ROBO2: variants seen among roughly 807,000 people sequenced by gnomAD.
ROBO2 encodes the protein roundabout guidance receptor 2.
A neutral mutation model predicts 160.8 loss-of-function variants in ROBO2; 53 were observed. The ratio of observed to expected loss-of-function variants is 0.33; its 90% CI spans 0.26 to 0.41. The LOEUF (loss-of-function observed/expected upper bound fraction) is 0.41, where lower values mean the gene tolerates loss of function less well. ROBO2 is among the 10% of genes least tolerant of loss of function. ROBO2 has a pLI of 1.00. For missense variants in ROBO2, 1,577 were observed against 1,722.4 expected (o/e 0.92, Z 1.49); for synonymous variants, 664 against 611.7 (o/e 1.09, Z -1.26).
intron 2 of ROBO2, among the ~76,000 whole-genome samples, chr3:76,694,679 A>C (rs2092890557): frequency 6.6e-6 from 1 of 152,204 alleles, no homozygotes; most frequent in African/African-American, 2.4e-5. Context: ...TTATCAACTC[A>C]GTAAACATAA....
chr3:77,416,739 A>G (rs575326482), intron 2 of ROBO2, among the ~76,000 whole-genome samples: 2 of 147,932 alleles, frequency 1.4e-5, no homozygotes, highest in African/African-American at 2.5e-5. Context: ...AAAAAAAAAG[A>G]AAGGAAATTT....
intron 2 of ROBO2, among the ~76,000 whole-genome samples, chr3:76,693,078 G>A (rs2092841971): frequency 1.4e-5 from 2 of 148,044 alleles, no homozygotes; most frequent in African/African-American, 5.0e-5. Flanking sequence ...TATATATAGT[G>A]TATATATTTA....
rs575253974 is a variant in ROBO2 at position 76,554,797 on chromosome 3, C to T, written c.110-543217C>T. ...TTATGCACATCTTTTTATAAAAAGG[C>T]ACATTTCTCAGAGGCTGCTCCGAAT... On this transcript the variant is annotated intron_variant, in intron 2 of 26. Transcript: ENST00000487694. Among the ~76,000 whole-genome samples, 4 of 152,046 alleles carry T rather than the reference C, an allele frequency of 2.6e-5. No homozygotes were observed. The East Asian group carries it at 7.7e-4, about 29-fold the overall frequency.
chr3:77,561,768 T>A (rs2093329113), intron 9 of ROBO2, among the ~76,000 whole-genome samples: 1 of 152,110 alleles, frequency 6.6e-6, no homozygotes, highest in Non-Finnish European at 1.5e-5. Flanking sequence ...TACATATAAG[T>A]GAATATTGAA....
chr3:76,004,901 A>G (rs1219858618), intron 2 of ROBO2, among the ~76,000 whole-genome samples: 2 of 152,228 alleles, frequency 1.3e-5, no homozygotes, highest in Admixed American at 6.5e-5. Context: ...GTGTCCCTCC[A>G]AAAGGCATGT....
Position 76,622,181 on chromosome 3 carries a change from TAAAA to T in ROBO2, c.110-475828_110-475825del, listed in dbSNP as rs1203933579. 4.0e-3 allele frequency among the ~76,000 whole-genome samples: 325 copies of T among 81,826 alleles called. 58 individuals carry two copies. Among genetic ancestry groups the T allele is most frequent in the South Asian group, 6.3e-3 (13 of 2,058 alleles). The allele number at this position is 81,826 out of a possible 152,430, so 53.7% of individuals were successfully genotyped here. Reference sequence around the variant, plus strand: ...CAACATAGCAAGACCTCATATCTACTAAAAAAAAGAAAGGAAGGAAGGAAGGAAG... The same window carrying T: ...CAACATAGCAAGACCTCATATCTACTAAAAGAAAGGAAGGAAGGAAGGAAG... On this transcript the variant is annotated intron_variant, in intron 2 of 26. Transcript: ENST00000487694.
chr3:76,159,470 T>A (rs2072535947), intron 2 of ROBO2, among the ~76,000 whole-genome samples: 9 of 152,158 alleles, frequency 5.9e-5, no homozygotes, highest in Admixed American at 5.9e-4. Flanking sequence ...TTTTAAATTT[T>A]TTTTGGACTG....
At chr3:77,328,782 C>T (rs1452914175) in intron 2 of ROBO2, among the ~76,000 whole-genome samples, 1 of 152,158 alleles carries the variant, frequency 6.6e-6, no homozygotes, top group African/African-American at 2.4e-5. Flanking sequence ...AAGTGTTATT[C>T]CCACATGCTG....
chr3:76,214,696 C>G (rs1703383398), intron 2 of ROBO2, among the ~76,000 whole-genome samples: 1 of 152,214 alleles, frequency 6.6e-6, no homozygotes, highest in Non-Finnish European at 1.5e-5. Context: ...CACCACAGCT[C>G]AAGGAGGCCT....
intron 2 of ROBO2, among the ~76,000 whole-genome samples, chr3:76,799,504 A>C (rs569904781): frequency 6.9e-5 from 9 of 130,946 alleles, no homozygotes; most frequent in Non-Finnish European, 1.6e-4. Flanking sequence ...ATTAGATCTG[A>C]CAAAAAAAAA....
chr3:76,079,743 C>A lies in ROBO2; in HGVS notation c.109+142141C>A, dbSNP rs1576771875. Reference sequence around the variant, plus strand: ...TCAGGCAATCCGTCTGCCTTGGCCTCCCAAAGTGCTAGGTAAAATTTAGGT... The same window carrying A: ...TCAGGCAATCCGTCTGCCTTGGCCTACCAAAGTGCTAGGTAAAATTTAGGT... On this transcript the variant is annotated intron_variant, in intron 2 of 26. Transcript: ENST00000487694. Among the ~76,000 whole-genome samples, 5 of 151,986 alleles carry A rather than the reference C, an allele frequency of 3.3e-5. No homozygotes were observed. The East Asian group carries it at 9.7e-4, about 29-fold the overall frequency.
At chr3:76,770,405 ATAAT>A (rs2061821232) in intron 2 of ROBO2, among the ~76,000 whole-genome samples, 1 of 151,318 alleles carries the variant, frequency 6.6e-6, no homozygotes, top group African/African-American at 2.4e-5. Context: ...CTAGATGATC[ATAAT>A]TAATCAATTA....
intron 2 of ROBO2, among the ~76,000 whole-genome samples, chr3:76,279,261 A>AT (rs1055967541): frequency 2.4e-4 from 36 of 150,602 alleles, no homozygotes; most frequent in African/African-American, 7.2e-4. Flanking sequence ...TTTAGGTAAG[A>AT]TTTTTTTTAA....
At chr3:76,882,344 A>G (rs1191098340) in intron 2 of ROBO2, among the ~76,000 whole-genome samples, 2 of 152,026 alleles carry the variant, frequency 1.3e-5, no homozygotes, top group African/African-American at 4.8e-5. Context: ...CAAAATCAGA[A>G]TTATTTCATG....
chr3:76,893,128 T>C (rs1423820959), intron 2 of ROBO2, among the ~76,000 whole-genome samples: 1 of 152,160 alleles, frequency 6.6e-6, no homozygotes, highest in Non-Finnish European at 1.5e-5. Context: ...GGCTGCCTCT[T>C]CAAAATATAC....
At chr3:76,448,094 A>G (rs1228886547) in intron 2 of ROBO2, among the ~76,000 whole-genome samples, 8 of 151,972 alleles carry the variant, frequency 5.3e-5, no homozygotes, top group Non-Finnish European at 1.2e-4. Context: ...TAAAACAAAA[A>G]AAGAAAAAAC....
At chr3:76,361,116 C>T (rs925268854) in intron 2 of ROBO2, among the ~76,000 whole-genome samples, 1 of 151,964 alleles carries the variant, frequency 6.6e-6, no homozygotes. Flanking sequence ...ATAAGCGCTG[C>T]AAGTTAGAAT....
chr3:76,475,641 C>T (rs1220324649), intron 2 of ROBO2, among the ~76,000 whole-genome samples: 4 of 151,912 alleles, frequency 2.6e-5, no homozygotes, highest in African/African-American at 7.3e-5. Context: ...CACTAGTATT[C>T]GTAAAATACC....
intron 1 of ROBO2, among the ~76,000 whole-genome samples, chr3:75,934,460 G>A (rs1947682933): frequency 6.6e-6 from 1 of 152,230 alleles, no homozygotes; most frequent in East Asian, 1.9e-4. Flanking sequence ...CATCTACCAT[G>A]CTTCTTACAA....
Sources: gnomAD v4.1 joint callset for allele counts (sites outside exome capture counted in the v4.1 genomes callset) on GRCh38, gnomAD v4.1.1 for gene constraint, MANE v1.5 for transcripts, NCBI Gene and HGNC (gene_info 2026-07-23, HGNC 2026-07-21) for gene names.